Variants in AKAP19 observed in about 807,000 individuals in gnomAD.
AKAP19 encodes the protein A-kinase anchoring protein 19, also known as small A-kinase anchoring protein.
At chr2:190,097,476 G>A in the AKAP19 span, among the ~76,000 whole-genome samples, 1 of 152,242 alleles carries the variant, frequency 6.6e-6, no homozygotes, top group African/African-American at 2.4e-5. Context: ...CACATAGATT[G>A]ACTTTTCCTT....
At chr2:190,003,822 A>T in the AKAP19 span, among the ~76,000 whole-genome samples, 12 of 152,092 alleles carry the variant, frequency 7.9e-5, no homozygotes, top group Non-Finnish European at 1.8e-4. Flanking sequence ...AGCCAAGATC[A>T]TGCCACCGCA....
At chr2:190,157,216 A>G in the AKAP19 span, among the ~76,000 whole-genome samples, 3 of 152,144 alleles carry the variant, frequency 2.0e-5, no homozygotes, top group Non-Finnish European at 4.4e-5. Flanking sequence ...GCCTCACAGA[A>G]CTACATTCAA....
chr2:189,908,123 G>A, the AKAP19 span, among the ~76,000 whole-genome samples: 2 of 150,484 alleles, frequency 1.3e-5, no homozygotes, highest in Non-Finnish European at 3.0e-5. Flanking sequence ...TCCTCTTCTA[G>A]TACCTTAAGG....
At chr2:189,971,701 T>C in the AKAP19 span, among the ~76,000 whole-genome samples, 1 of 152,228 alleles carries the variant, frequency 6.6e-6, no homozygotes, top group Non-Finnish European at 1.5e-5. Flanking sequence ...TGGTATCTCA[T>C]TGCGGTTTTG....
chr2:189,987,827 G>A, the AKAP19 span, among the ~76,000 whole-genome samples: 2 of 152,112 alleles, frequency 1.3e-5, no homozygotes, highest in Non-Finnish European at 2.9e-5. Context: ...CCACCCAAGG[G>A]GTTCACCTTG....
the AKAP19 span, among the ~76,000 whole-genome samples, chr2:190,130,936 TA>T: frequency 6.6e-6 from 1 of 152,230 alleles, no homozygotes; most frequent in Admixed American, 6.5e-5. Flanking sequence ...ACACTAAATG[TA>T]AATGCTCAGA....
the AKAP19 span, among the ~76,000 whole-genome samples, chr2:189,942,511 T>G: frequency 6.6e-6 from 1 of 152,136 alleles, no homozygotes. Context: ...GAAGTGGGGC[T>G]TTACTATAAA....
At chr2:190,031,090 G>C in the AKAP19 span, among the ~76,000 whole-genome samples, 1 of 152,064 alleles carries the variant, frequency 6.6e-6, no homozygotes, top group Non-Finnish European at 1.5e-5. Context: ...AGAAGTGAGG[G>C]GTCAGAAGTC....
the AKAP19 span, among the ~76,000 whole-genome samples, chr2:189,949,853 A>G: frequency 6.6e-6 from 1 of 150,986 alleles, no homozygotes; most frequent in Non-Finnish European, 1.5e-5. Flanking sequence ...GATGGTGTCA[A>G]TCTCTTGACC....
the AKAP19 span, chr2:190,137,717 C>G: frequency 1.2e-5 from 1 of 82,638 alleles, no homozygotes; most frequent in Non-Finnish European, 2.8e-5. Context: ...CATTTGTGAG[C>G]AAATGTGGTG....
At chr2:189,908,326 T>G in the AKAP19 span, among the ~76,000 whole-genome samples, 1 of 151,938 alleles carries the variant, frequency 6.6e-6, no homozygotes, top group South Asian at 2.1e-4. Context: ...CCCAAGTAGC[T>G]AGGATTACAG....
At chr2:189,903,092 A>G in the AKAP19 span, among the ~76,000 whole-genome samples, 4 of 151,930 alleles carry the variant, frequency 2.6e-5, no homozygotes, top group African/African-American at 7.2e-5. Flanking sequence ...AAAGCCATCG[A>G]GAAATTATTT....
chr2:190,074,838 G>T, the AKAP19 span, among the ~76,000 whole-genome samples: 1 of 152,040 alleles, frequency 6.6e-6, no homozygotes, highest in East Asian at 1.9e-4. Flanking sequence ...TGAAAGCAGG[G>T]ACAATTTTAT....
chr2:190,049,609 T>C, the AKAP19 span, among the ~76,000 whole-genome samples: 1 of 152,178 alleles, frequency 6.6e-6, no homozygotes, highest in East Asian at 1.9e-4. Context: ...GTAGAGACAA[T>C]ATCACGGCCA....
chr2:190,193,695 A>G, the AKAP19 span, among the ~76,000 whole-genome samples: 1 of 152,142 alleles, frequency 6.6e-6, no homozygotes, highest in Non-Finnish European at 1.5e-5. Context: ...CCCATTACAC[A>G]TCTTAATATG....
the AKAP19 span, among the ~76,000 whole-genome samples, chr2:189,978,269 G>A: frequency 6.6e-6 from 1 of 152,032 alleles, no homozygotes; most frequent in Non-Finnish European, 1.5e-5. Context: ...GGAGTCCCCT[G>A]TTTTTATTAT....
chr2:190,032,548 C>T, the AKAP19 span, among the ~76,000 whole-genome samples: 1 of 152,092 alleles, frequency 6.6e-6, no homozygotes, highest in East Asian at 1.9e-4. Context: ...GACTAACTGG[C>T]CTGAACTCTT....
chr2:190,158,696 G>C, the AKAP19 span, among the ~76,000 whole-genome samples: 1 of 152,128 alleles, frequency 6.6e-6, no homozygotes, highest in African/African-American at 2.4e-5. Context: ...AGACTTTGTG[G>C]TGCAGAGAAA....
chr2:190,130,367 T>C, the AKAP19 span, among the ~76,000 whole-genome samples: 1 of 152,174 alleles, frequency 6.6e-6, no homozygotes, highest in East Asian at 1.9e-4. Flanking sequence ...GGAAGACACA[T>C]TGGAGACAGA....
Sources: gnomAD v4.1 joint callset for allele counts (sites outside exome capture counted in the v4.1 genomes callset) on GRCh38, gnomAD v4.1.1 for gene constraint, MANE v1.5 for transcripts, NCBI Gene and HGNC (gene_info 2026-07-23, HGNC 2026-07-21) for gene names.